Variants in ERP27 observed in about 807,000 individuals in gnomAD.
The protein encoded by ERP27 is endoplasmic reticulum protein 27, also known as endoplasmic reticulum resident protein 27.
In ERP27, 23 loss-of-function variants were observed where a neutral mutation model predicts 27.7. The observed-to-expected ratio is 0.83, with a 90% confidence interval of 0.60 to 1.18. The LOEUF is 1.18. Ranked by LOEUF, ERP27 falls within the 50% of genes most tolerant of loss-of-function variation. The pLI is 0.00. For synonymous variants in ERP27, 159 were observed against 118.3 expected (o/e 1.34, Z -2.23); for missense variants, 363 against 327.9 (o/e 1.11, Z -0.83).
chr12:14,920,789 G>A, intron 4 of ERP27, 143 bp downstream of exon 4: 1 of 621,042 alleles, frequency 1.6e-6, no homozygotes, highest in East Asian at 2.7e-5. Context: ...TTAAAAAGGT[G>A]TAGGAAGGAT....
chr12:14,932,465 T>C (rs966687462), intron 3 of ERP27, among the ~76,000 whole-genome samples: 1 of 152,114 alleles, frequency 6.6e-6, no homozygotes, highest in African/African-American at 2.4e-5. Flanking sequence ...AATTGGATGA[T>C]CATTATGTGT....
At chr12:14,916,020 G>A (rs1277999137) in intron 5 of ERP27, among the ~76,000 whole-genome samples, 3 of 152,006 alleles carry the variant, frequency 2.0e-5, no homozygotes, top group Non-Finnish European at 2.9e-5. Flanking sequence ...GTCTACTTGG[G>A]GGGTGGAGGG....
chr12:14,923,492 A>ATCTATCTATCTATCT lies in ERP27; in HGVS notation c.334-2445_334-2444insAGATAGATAGATAGA, dbSNP rs1555098900. Among the ~76,000 whole-genome samples, 78 of 141,232 alleles carry ATCTATCTATCTATCT rather than the reference A, an allele frequency of 5.5e-4. 2 individuals are homozygous for ATCTATCTATCTATCT. The highest frequency in any genetic ancestry group is 1.0e-3 in the East Asian group (5 of 4,854). 92.7% of individuals were successfully genotyped at this position (141,232 alleles called of 152,430 possible). A position where few individuals can be genotyped will look rare whatever the true frequency, so the allele number is the denominator to read the frequency against. ...ATATAATATCTATCTATCTATAATC[A>ATCTATCTATCTATCT]ATCTATCTATCTATCTATCTATCTA... On this transcript the variant is annotated intron_variant, in intron 3 of 6. Transcript: ENST00000266397.
intron 3 of ERP27, among the ~76,000 whole-genome samples, chr12:14,927,896 C>T (rs1863630847): frequency 6.6e-6 from 1 of 152,156 alleles, no homozygotes; most frequent in African/African-American, 2.4e-5. Context: ...CTTTCCACCA[C>T]ACTCAGATAT....
At chr12:14,931,825 G>A (rs1180288714) in intron 3 of ERP27, among the ~76,000 whole-genome samples, 1 of 152,032 alleles carries the variant, frequency 6.6e-6, no homozygotes, top group Non-Finnish European at 1.5e-5. Context: ...ACCGACAAAC[G>A]AAAAACTGAG....
intron 3 of ERP27, among the ~76,000 whole-genome samples, chr12:14,926,109 G>C (rs1863598531): frequency 6.6e-6 from 1 of 151,970 alleles, no homozygotes; most frequent in Non-Finnish European, 1.5e-5. Context: ...TTATGTTGTG[G>C]CTTTAGCCAT....
chr12:14,927,649 TCC>T, intron 3 of ERP27, among the ~76,000 whole-genome samples: 1 of 152,182 alleles, frequency 6.6e-6, no homozygotes, highest in African/African-American at 2.4e-5. Context: ...CAAAAAGCAG[TCC>T]TCAATGCAGG....
rs887895778 is a variant in ERP27, at chr12:14,934,846, C to A, written c.333+10G>T. 6.2e-7 allele frequency: 1 copy of A among 1,613,648 alleles called. No individual in the cohort carries two copies. Among genetic ancestry groups the A allele is most frequent in the African/African-American group, 1.3e-5 (1 of 74,912 alleles). ...TCTGGGAGAAAGCTCAAGCTACCCACCCAACTTACCAGGCGAAAGAGGCAG... is the reference window on the plus strand; with the variant it reads ...TCTGGGAGAAAGCTCAAGCTACCCAACCAACTTACCAGGCGAAAGAGGCAG... On this transcript the variant is annotated intron_variant, in intron 3 of 6. Coordinates refer to ENST00000266397, the MANE Select transcript of ERP27 (RefSeq NM_152321.4).
chr12:14,930,880 T>G (rs1863687373), intron 3 of ERP27, among the ~76,000 whole-genome samples: 1 of 152,222 alleles, frequency 6.6e-6, no homozygotes, highest in African/African-American at 2.4e-5. Flanking sequence ...GATTAAATCT[T>G]GATAAATAAT....
rs756690253 is a variant in ERP27 at position 14,934,964 on chromosome 12, G to A, written c.225C>T (p.Leu75=). 6.2e-7 allele frequency: 1 copy of A among 1,614,102 alleles called. No individual in the cohort carries two copies. Among genetic ancestry groups the A allele is most frequent in the Non-Finnish European group, 8.5e-7 (1 of 1,179,988 alleles). The change falls in exon 3 of 7, where the codon CTC becomes CTT. Residue 75 remains leucine, a synonymous_variant. Transcript: ENST00000266397. The part of the protein sequence containing the change: ...QDLEIPAVPI[L]HSMVQKFPGV... ...CTGGGAATTTTTGCACCATGCTATGGAGTATGGGCACTGCTGGTATTTCTA... is the reference window on the plus strand; with the variant it reads ...CTGGGAATTTTTGCACCATGCTATGAAGTATGGGCACTGCTGGTATTTCTA...
intron 3 of ERP27, among the ~76,000 whole-genome samples, chr12:14,926,270 A>T (rs1863601168): frequency 6.6e-6 from 1 of 152,194 alleles, no homozygotes; most frequent in Non-Finnish European, 1.5e-5. Context: ...GTTGCCTAAA[A>T]GTCTACTTTG....
chr12:14,919,695 A>G (rs951456869), intron 4 of ERP27, among the ~76,000 whole-genome samples: 2 of 152,216 alleles, frequency 1.3e-5, no homozygotes, highest in Non-Finnish European at 2.9e-5. Flanking sequence ...AAGCAAGGGC[A>G]ACTACATAGG....
chr12:14,938,390 C>T, intron 1 of ERP27, 25 bp downstream of exon 1: 2 of 1,609,724 alleles, frequency 1.2e-6, no homozygotes, highest in Non-Finnish European at 1.7e-6. Context: ...CACACTATAG[C>T]CACCCAACTA....
intron 3 of ERP27, among the ~76,000 whole-genome samples, chr12:14,924,933 T>A (rs933034395): frequency 6.6e-6 from 1 of 152,210 alleles, no homozygotes; most frequent in African/African-American, 2.4e-5. Flanking sequence ...CCCTGTTACC[T>A]TCCCACCAGC....
chr12:14,930,776 T>C lies in ERP27; in HGVS notation c.333+4080A>G, dbSNP rs562591567. 2.0e-5 allele frequency among the ~76,000 whole-genome samples: 3 copies of C among 152,360 alleles called. No homozygotes were observed. The South Asian group carries it at 6.2e-4, about 32-fold the overall frequency. On this transcript the variant is annotated intron_variant, in intron 3 of 6. Coordinates refer to ENST00000266397, the MANE Select transcript of ERP27 (RefSeq NM_152321.4). The stretch of plus-strand genomic sequence containing the variant: ...TTCAAGCATGAGTAATATCCATTTA[T>C]TGTTATTTTTTCAGTTAATCATTAT...
intron 3 of ERP27, among the ~76,000 whole-genome samples, chr12:14,927,563 A>C (rs1273787230): frequency 1.3e-5 from 2 of 151,602 alleles, no homozygotes; most frequent in African/African-American, 4.9e-5. Flanking sequence ...TTAATTTTCA[A>C]CTCCTGAGGA....
intron 3 of ERP27, among the ~76,000 whole-genome samples, chr12:14,923,492 A>ATC (rs1555098900): frequency 7.1e-6 from 1 of 141,160 alleles, no homozygotes; most frequent in African/African-American, 2.7e-5. Context: ...ATCTATAATC[A>ATC]ATCTATCTAT....
intron 3 of ERP27, among the ~76,000 whole-genome samples, chr12:14,921,566 A>C (rs990891265): frequency 6.6e-6 from 1 of 152,214 alleles, no homozygotes; most frequent in Non-Finnish European, 1.5e-5. Context: ...ATCTGAGGGC[A>C]AGGGGGGTCA....
rs901874302 is a variant in ERP27 at position 14,914,924 on chromosome 12, A to T, written c.775-142T>A. On this transcript the variant is annotated intron_variant, in intron 6 of 6. Coordinates refer to ENST00000266397, the MANE Select transcript of ERP27 (RefSeq NM_152321.4). ...GTTGCCCATTAATGCTTTACACTAA[A>T]TGCTGAAATCCAAAATTCAGCCTCT... The T allele has an allele frequency of 7.5e-6, 5 of 662,800 alleles. No homozygotes were observed. In the Admixed American group the frequency reaches 1.3e-4, roughly 17 times the overall value. The allele number at this position is 662,800 out of a possible 1,614,324, so 41.1% of individuals were successfully genotyped here.
Sources: gnomAD v4.1 joint callset for allele counts (sites outside exome capture counted in the v4.1 genomes callset) on GRCh38, gnomAD v4.1.1 for gene constraint, MANE v1.5 for transcripts, NCBI Gene and HGNC (gene_info 2026-07-23, HGNC 2026-07-21) for gene names.